ARHGEF12: variants seen among roughly 807,000 people sequenced by gnomAD.
The protein encoded by ARHGEF12 is KMT2A/ARHGEF12 fusion protein.
A neutral mutation model predicts 211.2 loss-of-function variants in ARHGEF12; 66 were observed. The ratio of observed to expected loss-of-function variants is 0.31; its 90% CI spans 0.26 to 0.38. The LOEUF is 0.38. ARHGEF12 is among the 10% of genes least tolerant of loss of function. The pLI is 1.00. For missense variants in ARHGEF12, 1,429 were observed against 1,869.5 expected, an observed-to-expected ratio of 0.76 and a Z score of 4.34; for synonymous variants, 592 against 638.4, an observed-to-expected ratio of 0.93 and a Z score of 1.09.
chr11:120,364,619 G>A (rs1005368204), intron 1 of ARHGEF12, among the ~76,000 whole-genome samples: 3 of 152,010 alleles, frequency 2.0e-5, no homozygotes, highest in Non-Finnish European at 2.9e-5. Context: ...AACTCCCAGG[G>A]GACTGCTGTT....
rs757456504 is a variant in ARHGEF12, at chr11:120,484,499, A to T, written c.4616A>T (p.Lys1539Met). 10 of 1,613,986 alleles carry T rather than the reference A, an allele frequency of 6.2e-6. No individual in the cohort carries two copies. Among genetic ancestry groups the T allele is most frequent in the Non-Finnish European group, 6.8e-6 (8 of 1,179,914 alleles). Residue 1539 changes from lysine (K) to methionine (M), a missense_variant, in exon 40 of 41, where the codon AAG becomes ATG. This residue lies in a region of ARHGEF12 where 467 missense variants were observed against 468.4 expected (regional missense o/e 1.00). Transcript: ENST00000397843. ...QRLAGSALTD[K>M]HSDKS ...CTGGCTGGATCAGCCCTCACAGACA[A>T]GCACTCAGGTATGTAAAAGTTATGA... is the stretch of plus-strand genomic sequence containing the variant.
At chr11:120,395,954 A>T (rs530148402) in intron 1 of ARHGEF12, among the ~76,000 whole-genome samples, 96 of 152,268 alleles carry the variant, frequency 6.3e-4, no homozygotes, top group African/African-American at 2.1e-3. Context: ...GTGACATCTC[A>T]GTAGCAGTGA....
At chr11:120,458,267 A>C in intron 25 of ARHGEF12, 33 bp downstream of exon 25, 1 of 1,610,740 alleles carries the variant, frequency 6.2e-7, no homozygotes, top group Non-Finnish European at 8.5e-7. Context: ...TGTTGTTTAC[A>C]AATACTGAGT....
chr11:120,372,927 C>T (rs919572711), intron 1 of ARHGEF12, among the ~76,000 whole-genome samples: 16 of 151,730 alleles, frequency 1.1e-4, no homozygotes, highest in Non-Finnish European at 2.1e-4. Flanking sequence ...AGGAACCTAC[C>T]CCTAGAATTA....
At chr11:120,430,655 G>A (rs905626991) in intron 10 of ARHGEF12, among the ~76,000 whole-genome samples, 1 of 151,980 alleles carries the variant, frequency 6.6e-6, no homozygotes, top group African/African-American at 2.4e-5. Context: ...CTGTTTTTTT[G>A]TCACTGTTCC....
chr11:120,436,011 T>C (rs2135751194), intron 11 of ARHGEF12, among the ~76,000 whole-genome samples: 1 of 152,272 alleles, frequency 6.6e-6, no homozygotes, highest in Admixed American at 6.5e-5. Flanking sequence ...ATACAGAAAA[T>C]GTAGGGTAAA....
chr11:120,371,732 T>C (rs1365220544), intron 1 of ARHGEF12, among the ~76,000 whole-genome samples: 1 of 152,228 alleles, frequency 6.6e-6, no homozygotes, highest in Non-Finnish European at 1.5e-5. Context: ...TAAGCCTCTC[T>C]GCTTTCAGGA....
chr11:120,416,174 G>T (rs1183508610), intron 4 of ARHGEF12, among the ~76,000 whole-genome samples: 1 of 152,040 alleles, frequency 6.6e-6, no homozygotes, highest in Admixed American at 6.5e-5. Context: ...ACTGTGCATG[G>T]TGCTGTTTTT....
At chr11:120,475,228 A>T in intron 32 of ARHGEF12, 112 bp from the exon 33 acceptor site, 1 of 1,004,608 alleles carries the variant, frequency 1.0e-6, no homozygotes, top group Non-Finnish European at 1.4e-6. Context: ...GTCAATTTTT[A>T]AAATTTTGTA....
At chr11:120,337,643 G>C in intron 1 of ARHGEF12, 1 of 985,360 alleles carries the variant, frequency 1.0e-6, no homozygotes, top group Non-Finnish European at 1.2e-6. Flanking sequence ...TTATTTATCA[G>C]CTTTAGCCGT....
chr11:120,450,370 CAAAAAAAAAAA>C (rs58864382), intron 21 of ARHGEF12: 4 of 69,030 alleles, frequency 5.8e-5, no homozygotes, highest in East Asian at 4.6e-4. Flanking sequence ...AACACTGTCT[CAAAAAAAAAAA>C]AAAAAAAAAA....
chr11:120,468,162 A>G (rs1946762181), intron 29 of ARHGEF12, among the ~76,000 whole-genome samples: 1 of 152,228 alleles, frequency 6.6e-6, no homozygotes, highest in African/African-American at 2.4e-5. Flanking sequence ...TCTGTTTCTC[A>G]GCTGAGCTTT....
At chr11:120,425,335 C>T (rs11217864) in intron 7 of ARHGEF12, among the ~76,000 whole-genome samples, 1,966 of 146,990 alleles carry the variant, frequency 0.013, 51 homozygotes, top group African/African-American at 0.047. Flanking sequence ...TTTATGTTTT[C>T]TTGGTTTTTT....
chr11:120,478,106 GT>G, intron 36 of ARHGEF12, 49 bp from the exon 37 acceptor site: 2 of 1,253,772 alleles, frequency 1.6e-6, no homozygotes, highest in Non-Finnish European at 2.2e-6. Context: ...CATGTTAAAA[GT>G]TAAAAGCTTT....
chr11:120,464,933 G>C (rs940783592), intron 27 of ARHGEF12: 6 of 232,234 alleles, frequency 2.6e-5, no homozygotes, highest in Non-Finnish European at 5.0e-5. Context: ...ATGAACCTCA[G>C]AGGCAGAAGT....
chr11:120,357,382 C>T (rs1225489551), intron 1 of ARHGEF12, among the ~76,000 whole-genome samples: 1 of 152,084 alleles, frequency 6.6e-6, no homozygotes, highest in Non-Finnish European at 1.5e-5. Context: ...TTAGGAACTT[C>T]GAGTCTAATA....
chr11:120,434,281 A>G (rs189064448), intron 11 of ARHGEF12, among the ~76,000 whole-genome samples: 1 of 152,300 alleles, frequency 6.6e-6, no homozygotes, highest in Admixed American at 6.5e-5. Flanking sequence ...CTTTACAGAT[A>G]CTCTTTTTTA....
chr11:120,363,485 T>A (rs1804246469), intron 1 of ARHGEF12, among the ~76,000 whole-genome samples: 1 of 152,230 alleles, frequency 6.6e-6, no homozygotes, highest in South Asian at 2.1e-4. Flanking sequence ...GCCTTCTATT[T>A]GTAGCAAGTT....
Position 120,357,681 on chromosome 11 carries a change from T to G in ARHGEF12, c.32+20406T>G, listed in dbSNP as rs193275855. ...ACCTCCTGGGTTCAAGGGATTCTTGTGCCTCGGCCTCCCAAAATACTGGAA... is the reference window on the plus strand; with the variant it reads ...ACCTCCTGGGTTCAAGGGATTCTTGGGCCTCGGCCTCCCAAAATACTGGAA... On this transcript the variant is annotated intron_variant, in intron 1 of 40. Transcript: ENST00000397843. Among the ~76,000 whole-genome samples the G allele has an allele frequency of 4.2e-4, 64 of 152,292 alleles. 1 individual carries two copies. In the Middle Eastern group the frequency reaches 0.027, roughly 65 times the overall value.
Sources: allele counts gnomAD v4.1 joint callset (sites outside exome capture counted in the v4.1 genomes callset), GRCh38; gene constraint gnomAD v4.1.1; regional missense constraint gnomAD v4.1.1; transcripts MANE v1.5; gene names NCBI Gene and HGNC (gene_info 2026-07-23, HGNC 2026-07-21).